GRID2: variants seen among roughly 807,000 people sequenced by gnomAD.
GRID2 encodes glutamate receptor ionotropic, delta-2.
Under a neutral mutation model 114.8 loss-of-function variants are expected in GRID2, and 33 were observed. That is an observed-to-expected ratio of 0.29 (90% CI 0.22 to 0.38). The LOEUF is 0.38. Ranked by LOEUF, GRID2 falls within the 10% of genes least tolerant of loss-of-function variation. The pLI, the probability that GRID2 is intolerant of heterozygous loss-of-function variation, is 1.00. For synonymous variants in GRID2, 505 were observed against 449.9 expected (o/e 1.12, Z -1.55); for missense variants, 1,184 against 1,257.7 (o/e 0.94, Z 0.89).
chr4:92,686,567 C>A (rs115549336), intron 2 of GRID2, among the ~76,000 whole-genome samples: 1 of 152,008 alleles, frequency 6.6e-6, no homozygotes, highest in Admixed American at 6.6e-5. Context: ...TTGCTGGATT[C>A]AAATCAGTGA....
At chr4:92,572,663 C>T (rs1456973217) in intron 1 of GRID2, among the ~76,000 whole-genome samples, 1 of 152,036 alleles carries the variant, frequency 6.6e-6, no homozygotes, top group Non-Finnish European at 1.5e-5. Flanking sequence ...GTTGAACCAT[C>T]CTTGCATCCT....
intron 2 of GRID2, among the ~76,000 whole-genome samples, chr4:92,684,272 G>T (rs966188635): frequency 3.3e-5 from 5 of 151,892 alleles, no homozygotes; most frequent in Admixed American, 2.0e-4. Context: ...ATTATCCTTG[G>T]TTACACAGGG....
At chr4:93,567,956 A>G (rs1735589290) in intron 13 of GRID2, among the ~76,000 whole-genome samples, 1 of 152,270 alleles carries the variant, frequency 6.6e-6, no homozygotes, top group Non-Finnish European at 1.5e-5. Context: ...ACAGACTGGC[A>G]TTCACAGAAA....
intron 2 of GRID2, among the ~76,000 whole-genome samples, chr4:93,065,499 T>C (rs550288472): frequency 6.6e-6 from 1 of 151,936 alleles, no homozygotes; most frequent in Non-Finnish European, 1.5e-5. Flanking sequence ...TCATAACTTA[T>C]GTGTAGCTCT....
At chr4:93,536,963 T>C (rs953713335) in intron 13 of GRID2, among the ~76,000 whole-genome samples, 6 of 151,652 alleles carry the variant, frequency 4.0e-5, no homozygotes, top group Admixed American at 3.9e-4. Context: ...CCTCGCATTG[T>C]TAATTTTTGA....
intron 2 of GRID2, among the ~76,000 whole-genome samples, chr4:92,954,619 T>TTTA (rs1368184363): frequency 1.3e-5 from 2 of 151,408 alleles, no homozygotes; most frequent in African/African-American, 2.4e-5. Context: ...TTCTTTTTTT[T>TTTA]TTATTATTAT....
At chr4:92,339,783 T>C (rs1727380758) in intron 1 of GRID2, among the ~76,000 whole-genome samples, 2 of 152,168 alleles carry the variant, frequency 1.3e-5, no homozygotes, top group Non-Finnish European at 2.9e-5. Flanking sequence ...AATAACGAAA[T>C]AAAACTCGAA....
chr4:93,694,694 A>C (rs1726859386), intron 14 of GRID2, among the ~76,000 whole-genome samples: 1 of 151,820 alleles, frequency 6.6e-6, no homozygotes, highest in Non-Finnish European at 1.5e-5. Context: ...CCATTTTCTT[A>C]CAGGGCATCA....
intron 13 of GRID2, among the ~76,000 whole-genome samples, chr4:93,530,897 T>C (rs563768748): frequency 8.9e-4 from 136 of 152,298 alleles, no homozygotes; most frequent in Non-Finnish European, 9.1e-4. Context: ...TTAAACAGAC[T>C]AGATATTTAT....
chr4:93,727,113 G>C (rs1449118632), intron 14 of GRID2, among the ~76,000 whole-genome samples: 1 of 152,132 alleles, frequency 6.6e-6, no homozygotes, highest in Non-Finnish European at 1.5e-5. Context: ...TATGATATTG[G>C]CTGTGGGTTT....
intron 2 of GRID2, among the ~76,000 whole-genome samples, chr4:92,859,695 C>T (rs1744402442): frequency 6.6e-6 from 1 of 151,990 alleles, no homozygotes; most frequent in African/African-American, 2.4e-5. Flanking sequence ...GGAGTAGATA[C>T]CTTAACAAAG....
At chr4:93,025,988 T>G (rs943571716) in intron 2 of GRID2, among the ~76,000 whole-genome samples, 3 of 151,806 alleles carry the variant, frequency 2.0e-5, no homozygotes, top group African/African-American at 7.2e-5. Flanking sequence ...CTCTGTATTA[T>G]ATTCATTACT....
intron 1 of GRID2, among the ~76,000 whole-genome samples, chr4:92,399,651 CTCTCTCTCTCTCTCTA>C (rs993565401): frequency 1.4e-5 from 2 of 138,028 alleles, no homozygotes; most frequent in Non-Finnish European, 3.1e-5. Context: ...CTCTCTCTCT[CTCTCTCTCTCTCTCTA>C]TATATATATA....
At chr4:93,721,077 C>T (rs569372676) in intron 14 of GRID2, among the ~76,000 whole-genome samples, 2 of 152,204 alleles carry the variant, frequency 1.3e-5, no homozygotes, top group Admixed American at 6.5e-5. Flanking sequence ...CATCACTCAA[C>T]GAAGTTTTAC....
intron 8 of GRID2, among the ~76,000 whole-genome samples, chr4:93,350,552 T>C (rs1760697679): frequency 6.6e-6 from 1 of 152,030 alleles, no homozygotes; most frequent in African/African-American, 2.4e-5. Flanking sequence ...GCTTGAGAAG[T>C]AGATAGTACA....
chr4:92,577,281 G>A (rs897195173), intron 1 of GRID2, among the ~76,000 whole-genome samples: 1 of 152,138 alleles, frequency 6.6e-6, no homozygotes, highest in Non-Finnish European at 1.5e-5. Context: ...CTCATATAGA[G>A]TATACAGGGG....
At chr4:93,007,242 A>C (rs1429378479) in intron 2 of GRID2, among the ~76,000 whole-genome samples, 4 of 152,036 alleles carry the variant, frequency 2.6e-5, no homozygotes, top group African/African-American at 9.7e-5. Context: ...ATAACTGAAG[A>C]AAGTTTTTTA....
intron 4 of GRID2, among the ~76,000 whole-genome samples, chr4:93,160,421 C>T (rs1261843820): frequency 1.3e-5 from 2 of 151,778 alleles, no homozygotes; most frequent in African/African-American, 4.8e-5. Context: ...GTGACAATAG[C>T]TAAACAAATA....
chr4:93,487,952 CATTTT>C (rs1460285324), intron 11 of GRID2, among the ~76,000 whole-genome samples: 2 of 151,836 alleles, frequency 1.3e-5, no homozygotes, highest in African/African-American at 4.8e-5. Context: ...TATCAAATAA[CATTTT>C]ATTTGCATTC....
Sources: allele counts gnomAD v4.1 joint callset (sites outside exome capture counted in the v4.1 genomes callset), GRCh38; gene constraint gnomAD v4.1.1; transcripts MANE v1.5; gene names NCBI Gene and HGNC (gene_info 2026-07-23, HGNC 2026-07-21).